Variants in TSN observed in about 807,000 individuals in gnomAD.
TSN encodes the protein translin.
A neutral mutation model predicts 29.4 loss-of-function variants in TSN; 5 were observed. The observed-to-expected ratio is 0.17, with a 90% CI of 0.09 to 0.36. The LOEUF (loss-of-function observed/expected upper bound fraction) is 0.36, where lower values mean the gene tolerates loss of function less well. TSN is among the 10% of genes least tolerant of loss of function. The pLI is 1.00. For synonymous variants in TSN, 106 were observed against 102.2 expected, an observed-to-expected ratio of 1.04 and a Z score of -0.23; for missense variants, 159 against 272.8, an observed-to-expected ratio of 0.58 and a Z score of 2.94.
In TSN at chr2:121,759,268, C is replaced by A. The variant is rs74730359; in HGVS notation, c.257+462C>A. On this transcript the variant is annotated intron_variant, in intron 3 of 5. Transcript: ENST00000389682. ...TCAACACTGTTGATTTTAAGATACACCATTATTTTATGTACCAGTAGGGAA... is the reference window on the plus strand; with the variant it reads ...TCAACACTGTTGATTTTAAGATACAACATTATTTTATGTACCAGTAGGGAA... Among the ~76,000 whole-genome samples, 393 of 152,180 alleles carry A rather than the reference C, an allele frequency of 2.6e-3. 4 individuals carry two copies. Among genetic ancestry groups the A allele is most frequent in the East Asian group, 0.021 (107 of 5,192 alleles).
Position 121,765,533 on chromosome 2 carries a change from A to G in TSN, c.*166A>G, listed in dbSNP as rs1021854744. 7.6e-6 allele frequency: 5 copies of G among 655,866 alleles called. No homozygotes were observed. Among genetic ancestry groups the G allele is most frequent in the African/African-American group, 7.3e-5 (4 of 54,852 alleles). The allele number at this position is 655,866 out of a possible 1,614,324, so 40.6% of individuals were successfully genotyped here. On this transcript the variant is annotated 3_prime_UTR_variant, in exon 6 of 6. Coordinates refer to ENST00000389682, the MANE Select transcript of TSN (RefSeq NM_004622.3). Reference sequence around the variant, plus strand: ...AGAATTGAAACACTTTTTTGGGGGTAAAAAATATAGCCTTTACATGGACAG... The same window carrying G: ...AGAATTGAAACACTTTTTTGGGGGTGAAAAATATAGCCTTTACATGGACAG...
At position 121,758,711 on chromosome 2, in the gene TSN, T is replaced by A; in HGVS notation, c.162T>A (p.Ile54=). 6.3e-7 allele frequency: 1 copy of A among 1,574,816 alleles called. No individual in the cohort carries two copies. The highest frequency in any genetic ancestry group is 8.6e-7 in the Non-Finnish European group (1 of 1,164,954). ...GVHQGAGFQD[I]PKRCLKAREH... The stretch of plus-strand genomic sequence containing the variant: ...CATTTGGTTATCTTTTGTGACTAGT[T>A]CCAAAGAGGTGTTTGAAAGCTCGAG... Residue 54 remains isoleucine (I), a splice_region_variant and synonymous_variant, in exon 3 of 6, where the codon ATT becomes ATA. Transcript: ENST00000389682.
At chr2:121,762,272 G>A (rs1369420085) in intron 4 of TSN, among the ~76,000 whole-genome samples, 2 of 152,006 alleles carry the variant, frequency 1.3e-5, no homozygotes, top group East Asian at 1.9e-4. Context: ...GATTACAGGC[G>A]TGAGTGACCG....
intron 5 of TSN, among the ~76,000 whole-genome samples, chr2:121,763,406 G>A (rs1444594422): frequency 6.6e-6 from 1 of 152,204 alleles, no homozygotes; most frequent in Non-Finnish European, 1.5e-5. Flanking sequence ...TGGCCTCCCA[G>A]AGTGCTGGGA....
chr2:121,761,023 C>T, intron 3 of TSN, among the ~76,000 whole-genome samples: 1 of 152,044 alleles, frequency 6.6e-6, no homozygotes, highest in Non-Finnish European at 1.5e-5. Flanking sequence ...GCGCCTGCCA[C>T]CACGCCTGGC....
chr2:121,756,203 C>T (rs2074744570), intron 1 of TSN: 1 of 305,272 alleles, frequency 3.3e-6, no homozygotes, highest in Non-Finnish European at 6.3e-6. Context: ...TAAAACTCTC[C>T]TGTGATTTCC....
Position 121,755,706 on chromosome 2 carries a change from T to C in TSN, c.-74T>C. On this transcript the variant is annotated 5_prime_UTR_variant, in exon 1 of 6. Coordinates refer to ENST00000389682, the MANE Select transcript of TSN (RefSeq NM_004622.3). ...GGTAGCGGCGGCCGTTGCGATTGATTGCGCTGGTTGCCTGCGGCGTCCACT... is the reference window on the plus strand; with the variant it reads ...GGTAGCGGCGGCCGTTGCGATTGATCGCGCTGGTTGCCTGCGGCGTCCACT... The C allele has an allele frequency of 6.3e-7, 1 of 1,587,486 alleles. No homozygotes were observed. The highest frequency in any genetic ancestry group is 8.6e-7 in the Non-Finnish European group (1 of 1,165,232).
Position 121,755,721 on chromosome 2 carries a change from C to A in TSN, c.-59C>A. ...TGCGATTGATTGCGCTGGTTGCCTGCGGCGTCCACTTCCTTGGCCGCCCTT... is the reference window on the plus strand; with the variant it reads ...TGCGATTGATTGCGCTGGTTGCCTGAGGCGTCCACTTCCTTGGCCGCCCTT... On this transcript the variant is annotated 5_prime_UTR_variant, in exon 1 of 6. Transcript: ENST00000389682. 6.2e-7 allele frequency: 1 copy of A among 1,600,014 alleles called. No individual in the cohort carries two copies. The highest frequency in any genetic ancestry group is 1.1e-5 in the South Asian group (1 of 90,856).
At chr2:121,763,146 T>TG in intron 5 of TSN, 62 bp downstream of exon 5, 1 of 1,318,298 alleles carries the variant, frequency 7.6e-7, no homozygotes, top group African/African-American at 1.6e-5. Flanking sequence ...AGTTTTTTTT[T>TG]TTTTTTTTTT....
intron 4 of TSN, among the ~76,000 whole-genome samples, chr2:121,762,255 G>T (rs770274369): frequency 1.3e-5 from 2 of 152,112 alleles, no homozygotes; most frequent in Non-Finnish European, 1.5e-5. Flanking sequence ...GCCTCCCAAA[G>T]TGCTGGGATT....
intron 2 of TSN, chr2:121,757,712 A>C (rs2074770187): frequency 5.1e-6 from 1 of 196,760 alleles, no homozygotes; most frequent in Admixed American, 5.8e-5. Flanking sequence ...GCTGGAGTGC[A>C]GTGGTGCCAT....
Position 121,756,900 on chromosome 2 carries a change from C to T in TSN, c.67-340C>T, listed in dbSNP as rs565225659. Among the ~76,000 whole-genome samples, 416 of 148,158 alleles carry T rather than the reference C, an allele frequency of 2.8e-3. 2 individuals carry two copies. The highest frequency in any genetic ancestry group is 8.8e-3 in the African/African-American group (351 of 39,936). ...CTCCAGCCTGGGTGACAGAGCGAGA[C>T]TCCGTCTCAAAAAAAAAAAAAAAAA... On this transcript the variant is annotated intron_variant, in intron 1 of 5. Transcript: ENST00000389682.
chr2:121,757,187 T>C, intron 1 of TSN, 53 bp from the exon 2 acceptor site: 1 of 1,514,682 alleles, frequency 6.6e-7, no homozygotes, highest in Middle Eastern at 1.7e-4. Flanking sequence ...TTTGTGTGAG[T>C]GTATGACAAT....
In TSN at chr2:121,756,281, GCTCT is replaced by G. The variant is rs201912995; in HGVS notation, c.66+439_66+442del. 4.5e-3 allele frequency: 1,095 copies of G among 245,012 alleles called. 14 individuals are homozygous for G. Among genetic ancestry groups the G allele is most frequent in the African/African-American group, 0.023 (1,011 of 43,410 alleles). 15.2% of individuals were successfully genotyped at this position (245,012 alleles called of 1,614,324 possible). A position where few individuals can be genotyped will look rare whatever the true frequency, so the allele number is the denominator to read the frequency against. ...ATGGTTTCTCTTCAATCTCGTTTAT[GCTCT>G]CTGTCTTTGTGTATGATGTTCACTT... On this transcript the variant is annotated intron_variant, in intron 1 of 5. Transcript: ENST00000389682.
intron 1 of TSN, chr2:121,756,561 C>T: frequency 9.2e-7 from 1 of 1,081,534 alleles, no homozygotes; most frequent in South Asian, 1.3e-5. Flanking sequence ...CTTGGTTCCC[C>T]GGTATTTACA....
chr2:121,757,488 C>A, intron 2 of TSN, 155 bp downstream of exon 2: 1 of 1,400,484 alleles, frequency 7.1e-7, no homozygotes, highest in Non-Finnish European at 9.8e-7. Flanking sequence ...GATTTTTCTT[C>A]CACTTCCACA....
At chr2:121,755,953 G>A in intron 1 of TSN, 108 bp downstream of exon 1, 2 of 1,559,552 alleles carry the variant, frequency 1.3e-6, no homozygotes, top group Non-Finnish European at 1.7e-6. Context: ...CGCCTCCGAG[G>A]GTGGGTTGCT....
At chr2:121,760,600 T>TC (rs1358036739) in intron 3 of TSN, among the ~76,000 whole-genome samples, 1 of 152,210 alleles carries the variant, frequency 6.6e-6, no homozygotes, top group Non-Finnish European at 1.5e-5. Flanking sequence ...TTGTAAAATT[T>TC]CCTTTTTTCA....
chr2:121,763,179 G>C, intron 5 of TSN, 95 bp downstream of exon 5: 1 of 913,842 alleles, frequency 1.1e-6, no homozygotes, highest in Non-Finnish European at 1.5e-6. Context: ...GTCCCGCTCT[G>C]TCGCCTAGGC....
Sources: gnomAD v4.1 joint callset for allele counts (sites outside exome capture counted in the v4.1 genomes callset) on GRCh38, gnomAD v4.1.1 for gene constraint, MANE v1.5 for transcripts, NCBI Gene and HGNC (gene_info 2026-07-23, HGNC 2026-07-21) for gene names.